The following SLC5A10 variants were observed in gnomAD, a reference collection of about 807,000 sequenced individuals.
SLC5A10 encodes solute carrier family 5 member 10, also known as sodium/mannose cotransporter SLC5A10.
In SLC5A10, 55 loss-of-function variants were observed where a neutral mutation model predicts 68.9. That is an observed-to-expected ratio of 0.80 (90% CI 0.64 to 1.00). The LOEUF is 1.00. Among genes scored for constraint, SLC5A10 ranks in the 50% least tolerant of loss-of-function variants. SLC5A10 has a pLI of 0.00. For missense variants in SLC5A10, 732 were observed against 819.3 expected, an observed-to-expected ratio of 0.89 and a Z score of 1.30; for synonymous variants, 344 against 344.8, an observed-to-expected ratio of 1.00 and a Z score of 0.02.
intron 2 of SLC5A10, 32 bp from the exon 3 acceptor site, chr17:18,959,103 G>A (rs2042562119): frequency 2.5e-6 from 4 of 1,593,070 alleles, no homozygotes; most frequent in African/African-American, 1.3e-5. Flanking sequence ...CAGGGAGCCT[G>A]CTGCTGATGC....
Position 18,968,884 on chromosome 17 carries a change from C to T in SLC5A10, c.454-168C>T, listed in dbSNP as rs888916401. On this transcript the variant is annotated intron_variant, in intron 5 of 14. Transcript: ENST00000395645. The surrounding 1 kb of genome is among the most constrained non-coding windows in gnomAD (Gnocchi z 4.1). The stretch of plus-strand genomic sequence containing the variant: ...TGTAGCTCCACGGCCAGGTCTTCCC[C>T]CAACCTCACAATGGCCCCGTGATGC... The T allele has an allele frequency of 8.1e-6, 5 of 617,926 alleles. No individual in the cohort carries two copies. The highest frequency in any genetic ancestry group is 1.9e-5 in the African/African-American group (1 of 54,012). The allele number at this position is 617,926 out of a possible 1,614,324, so 38.3% of individuals were successfully genotyped here.
Position 18,952,311 on chromosome 17 carries a change from A to T in SLC5A10, c.106A>T (p.Ile36Leu). ...TTTTGCTCTGAATGTGGCCGTGGGC[A>T]TATGGGTAAGGGGACCTGTGGTGGT... ...VYFALNVAVG[I>L]WSSCRASRNT... The change falls in exon 1 of 15, where the codon ATA becomes TTA. Residue 36 changes from isoleucine to leucine, a missense_variant. Ile to Leu is a conservative substitution (Grantham distance 5). Transcript: ENST00000395645. 1.2e-6 allele frequency: 2 copies of T among 1,612,126 alleles called. No individual in the cohort carries two copies. The highest frequency in any genetic ancestry group is 1.1e-5 in the South Asian group (1 of 90,694).
upstream of SLC5A10, chr17:18,950,777 G>A (rs534193975): frequency 5.6e-5 from 44 of 789,130 alleles, no homozygotes; most frequent in South Asian, 1.3e-3. Flanking sequence ...CTGCAATGGC[G>A]CAGTCTTGGC....
intron 5 of SLC5A10, among the ~76,000 whole-genome samples, chr17:18,964,855 G>A (rs1168494638): frequency 6.6e-6 from 1 of 152,180 alleles, no homozygotes; most frequent in Non-Finnish European, 1.5e-5. Context: ...TAGAAATGCA[G>A]AACCTGACCG....
chr17:18,994,029 G>A (rs1228041821), intron 9 of SLC5A10, among the ~76,000 whole-genome samples: 4 of 152,138 alleles, frequency 2.6e-5, no homozygotes, highest in Non-Finnish European at 4.4e-5. Flanking sequence ...GGCCAGCAGC[G>A]TCTCACTACC....
intron 9 of SLC5A10, among the ~76,000 whole-genome samples, chr17:18,999,871 G>T (rs1470629727): frequency 6.6e-6 from 1 of 152,246 alleles, no homozygotes; most frequent in Non-Finnish European, 1.5e-5. Context: ...AGGAAGGTGT[G>T]ATCTGTCCCT....
intron 13 of SLC5A10, 35 bp from the exon 14 acceptor site, chr17:19,020,120 C>A (rs773569218): frequency 2.6e-6 from 4 of 1,561,332 alleles, no homozygotes; most frequent in Non-Finnish European, 3.5e-6. Context: ...CTGCCATCCC[C>A]CACCCCCAAC....
At chr17:18,992,574 C>T (rs756342858) in intron 9 of SLC5A10, among the ~76,000 whole-genome samples, 20 of 152,212 alleles carry the variant, frequency 1.3e-4, no homozygotes, top group Non-Finnish European at 2.6e-4. Context: ...AGGCGTGGGC[C>T]TCCTCAATCT....
intron 1 of SLC5A10, among the ~76,000 whole-genome samples, chr17:18,956,465 GTTTTTTTT>G (rs750867503): frequency 1.0e-5 from 1 of 98,010 alleles, no homozygotes; most frequent in African/African-American, 3.8e-5. Flanking sequence ...TTTTCTTTCT[GTTTTTTTT>G]TTTTTTTTTT....
chr17:19,005,383 T>TC (rs2043856405), intron 9 of SLC5A10, among the ~76,000 whole-genome samples: 1 of 149,842 alleles, frequency 6.7e-6, no homozygotes, highest in East Asian at 1.9e-4. Flanking sequence ...CTGCTGAGCG[T>TC]CCCCTGGGGT....
In SLC5A10 at chr17:18,971,492, G is replaced by A. The variant is rs578128314; in HGVS notation, c.846+274G>A. 16 of 1,614,018 alleles carry A rather than the reference G, an allele frequency of 9.9e-6. No homozygotes were observed. The highest frequency in any genetic ancestry group is 6.7e-5 in the East Asian group (3 of 44,878). ...GGAGTATGGGATTCCGAAGGGACTC[G>A]GATGCTCCTCGGTGGCCCTGCCATC... On this transcript the variant is annotated intron_variant, in intron 8 of 14. Coordinates refer to ENST00000395645, the MANE Select transcript of SLC5A10 (RefSeq NM_001042450.4). This position sits in a 1 kb window ranked among gnomAD's most constrained non-coding sequence, Gnocchi z 5.5.
rs199997614 is a variant in SLC5A10, at chr17:18,971,481, C to T, written c.846+263C>T. The T allele has an allele frequency of 1.7e-4, 282 of 1,613,892 alleles. No individual in the cohort carries two copies. Among genetic ancestry groups the T allele is most frequent in the Middle Eastern group, 4.9e-4 (3 of 6,084 alleles). On this transcript the variant is annotated intron_variant, in intron 8 of 14. Coordinates refer to ENST00000395645, the MANE Select transcript of SLC5A10 (RefSeq NM_001042450.4). The surrounding 1 kb of genome is among the most constrained non-coding windows in gnomAD (Gnocchi z 5.5). The stretch of plus-strand genomic sequence containing the variant: ...TGAGACAGTTTGGAGTATGGGATTC[C>T]GAAGGGACTCGGATGCTCCTCGGTG...
intron 4 of SLC5A10, among the ~76,000 whole-genome samples, chr17:18,960,313 T>A (rs1459502844): frequency 6.6e-6 from 1 of 152,154 alleles, no homozygotes; most frequent in Non-Finnish European, 1.5e-5. Context: ...AAAGAGCCAG[T>A]CTAGGGATCT....
chr17:19,010,197 A>T (rs931215825), intron 9 of SLC5A10, among the ~76,000 whole-genome samples: 5 of 151,328 alleles, frequency 3.3e-5, no homozygotes, highest in African/African-American at 1.2e-4. Flanking sequence ...TTGCAGGGGG[A>T]GTGGATTAGG....
intron 1 of SLC5A10, among the ~76,000 whole-genome samples, chr17:18,955,639 G>A (rs963696308): frequency 2.0e-5 from 3 of 152,252 alleles, no homozygotes; most frequent in Non-Finnish European, 2.9e-5. Context: ...AGTGCACAGC[G>A]TACACATCTG....
Position 18,977,286 on chromosome 17 carries a change from G to A in SLC5A10, c.982+297G>A, listed in dbSNP as rs866567670. ...TAGGGACTGTGCCACCCATCTGGCAGGTGCCATCAAGATCCTCTAACCACA... is the reference window on the plus strand; with the variant it reads ...TAGGGACTGTGCCACCCATCTGGCAAGTGCCATCAAGATCCTCTAACCACA... On this transcript the variant is annotated intron_variant, in intron 9 of 14. Transcript: ENST00000395645. The A allele has an allele frequency of 7.4e-5, 43 of 579,228 alleles. No homozygotes were observed. In the African/African-American group the frequency reaches 7.5e-4, roughly 10 times the overall value. 35.9% of individuals were successfully genotyped at this position (579,228 alleles called of 1,614,324 possible). A position where few individuals can be genotyped will look rare whatever the true frequency, so the allele number is the denominator to read the frequency against.
At chr17:18,978,968 G>C in intron 9 of SLC5A10, 1 of 1,149,904 alleles carries the variant, frequency 8.7e-7, no homozygotes, top group South Asian at 1.5e-5. Context: ...GGATCAAGAA[G>C]TGAATGGGGG....
chr17:19,012,578 G>A (rs2044037894), intron 9 of SLC5A10, among the ~76,000 whole-genome samples: 1 of 152,244 alleles, frequency 6.6e-6, no homozygotes, highest in African/African-American at 2.4e-5. Flanking sequence ...GACGGAGAAT[G>A]GGGTGGGAAG....
rs749223011 is a variant in SLC5A10 at position 18,971,786 on chromosome 17, A to G, written c.846+568A>G. On this transcript the variant is annotated intron_variant, in intron 8 of 14. Transcript: ENST00000395645. The surrounding 1 kb of genome is among the most constrained non-coding windows in gnomAD (Gnocchi z 5.5). ...GAGCAGAGAGTGAGGCTGAGCAAGA[A>G]GGGCCAACCCCGCCCCAGCACAGGA... The G allele has an allele frequency of 2.6e-6, 4 of 1,524,974 alleles. No homozygotes were observed. Among genetic ancestry groups the G allele is most frequent in the Admixed American group, 2.1e-5 (1 of 47,806 alleles). 94.5% of individuals were successfully genotyped at this position (1,524,974 alleles called of 1,614,324 possible). A position where few individuals can be genotyped will look rare whatever the true frequency, so the allele number is the denominator to read the frequency against.
Sources: gnomAD v4.1 joint callset for allele counts (sites outside exome capture counted in the v4.1 genomes callset) on GRCh38, gnomAD v4.1.1 for gene constraint, Gnocchi (gnomAD v3.1) non-coding constraint, MANE v1.5 for transcripts, NCBI Gene and HGNC (gene_info 2026-07-23, HGNC 2026-07-21) for gene names.